The following EYA2 variants were observed in gnomAD, a reference collection of about 807,000 sequenced individuals.
The protein encoded by EYA2 is protein phosphatase EYA2.
Under a neutral mutation model 69.2 loss-of-function variants are expected in EYA2, and 31 were observed. That is an observed-to-expected ratio of 0.45 (90% CI 0.34 to 0.60). The LOEUF (loss-of-function observed/expected upper bound fraction) is 0.60, where lower values mean the gene tolerates loss of function less well. Among genes scored for constraint, EYA2 ranks in the 20% least tolerant of loss-of-function variants. EYA2 has a pLI of 0.02. For synonymous variants in EYA2, 257 were observed against 279.4 expected, an observed-to-expected ratio of 0.92 and a Z score of 0.80; for missense variants, 622 against 701.2, an observed-to-expected ratio of 0.89 and a Z score of 1.28.
At chr20:47,181,900 A>T (rs1457236865) in intron 14 of EYA2, among the ~76,000 whole-genome samples, 1 of 152,058 alleles carries the variant, frequency 6.6e-6, no homozygotes, top group Admixed American at 6.5e-5. Flanking sequence ...CATTTTTCCC[A>T]TTTTTCCTGC....
At chr20:47,004,055 G>A (rs1012553053) in intron 3 of EYA2, among the ~76,000 whole-genome samples, 3 of 152,200 alleles carry the variant, frequency 2.0e-5, no homozygotes, top group Non-Finnish European at 4.4e-5. Context: ...TCTTAAGTAA[G>A]GAGCCCTGTA....
At chr20:47,113,749 C>T (rs2032816169) in intron 9 of EYA2, among the ~76,000 whole-genome samples, 1 of 152,192 alleles carries the variant, frequency 6.6e-6, no homozygotes, top group South Asian at 2.1e-4. Context: ...CACACCCCTC[C>T]TTAAGGGAAA....
chr20:47,109,495 G>C (rs1349490978), intron 9 of EYA2, among the ~76,000 whole-genome samples: 1 of 151,964 alleles, frequency 6.6e-6, no homozygotes, highest in African/African-American at 2.4e-5. Flanking sequence ...ATGTGTATAG[G>C]TGACATTGTT....
At chr20:47,149,322 A>T (rs188859713) in intron 10 of EYA2, among the ~76,000 whole-genome samples, 1 of 152,292 alleles carries the variant, frequency 6.6e-6, no homozygotes, top group Non-Finnish European at 1.5e-5. Flanking sequence ...AGGGATCTAA[A>T]GTAGACAGAG....
chr20:47,047,930 A>C (rs1284509269), intron 5 of EYA2, among the ~76,000 whole-genome samples: 1 of 151,692 alleles, frequency 6.6e-6, no homozygotes, highest in African/African-American at 2.4e-5. Context: ...TCTCGCTCCC[A>C]GCCTCCCAAA....
At chr20:47,030,586 C>T (rs1984352342) in intron 5 of EYA2, among the ~76,000 whole-genome samples, 1 of 152,130 alleles carries the variant, frequency 6.6e-6, no homozygotes, top group African/African-American at 2.4e-5. Flanking sequence ...TAACAAAATA[C>T]CATGGTCTTG....
intron 1 of EYA2, among the ~76,000 whole-genome samples, chr20:46,973,797 G>GA (rs1980285813): frequency 2.8e-5 from 4 of 140,834 alleles, no homozygotes; most frequent in Admixed American, 1.6e-4. Context: ...AAGAGAAGGA[G>GA]GAAAAAAAAA....
chr20:47,177,544 A>G (rs2034449358), intron 12 of EYA2, among the ~76,000 whole-genome samples: 1 of 152,268 alleles, frequency 6.6e-6, no homozygotes, highest in Non-Finnish European at 1.5e-5. Flanking sequence ...TCTCTGAGAC[A>G]AAAAGAGTTT....
At chr20:46,996,590 T>C (rs565387381) in intron 2 of EYA2, among the ~76,000 whole-genome samples, 1 of 152,302 alleles carries the variant, frequency 6.6e-6, no homozygotes, top group South Asian at 2.1e-4. Context: ...CTCATTTGTG[T>C]GATTGTTTGT....
At chr20:46,986,543 G>A (rs537508238) in intron 1 of EYA2, among the ~76,000 whole-genome samples, 11 of 135,280 alleles carry the variant, frequency 8.1e-5, no homozygotes, top group African/African-American at 2.7e-4. Context: ...CCCATTTTGC[G>A]TTGCTGTAAA....
intron 1 of EYA2, among the ~76,000 whole-genome samples, chr20:46,961,525 A>T: frequency 6.6e-6 from 1 of 152,194 alleles, no homozygotes; most frequent in East Asian, 1.9e-4. Context: ...ACTGGGTATT[A>T]TCCAAAGGAA....
At chr20:47,003,984 T>A (rs1982534685) in intron 3 of EYA2, among the ~76,000 whole-genome samples, 1 of 152,232 alleles carries the variant, frequency 6.6e-6, no homozygotes, top group Admixed American at 6.5e-5. Flanking sequence ...CAGGTGCATG[T>A]GACACAATTC....
chr20:47,155,013 A>C (rs1187107038), intron 10 of EYA2, among the ~76,000 whole-genome samples: 1 of 151,438 alleles, frequency 6.6e-6, no homozygotes, highest in African/African-American at 2.4e-5. Flanking sequence ...AAGCCACCAC[A>C]CCTGGCTAAT....
intron 9 of EYA2, among the ~76,000 whole-genome samples, chr20:47,128,447 C>T (rs1440604315): frequency 1.3e-5 from 2 of 151,940 alleles, no homozygotes; most frequent in African/African-American, 4.8e-5. Flanking sequence ...CGTTTCTCCT[C>T]ACTTTGGAAG....
At chr20:47,013,330 TGATA>T (rs1983193702) in intron 4 of EYA2, among the ~76,000 whole-genome samples, 1 of 152,176 alleles carries the variant, frequency 6.6e-6, no homozygotes, top group South Asian at 2.1e-4. Flanking sequence ...AACATTTGCC[TGATA>T]GAGAAGAGGG....
At position 46,982,775 on chromosome 20, in the gene EYA2, C is replaced by CTTTT. The variant is rs10701469; in HGVS notation, c.-10-7214_-10-7211dup. ...TTTCATTTCTCAGTTCTGTAATTTC[C>CTTTT]TTTTTTTTTTTTTTTGAGATAGAGT... is the stretch of plus-strand genomic sequence containing the variant. On this transcript the variant is annotated intron_variant, in intron 1 of 15. Transcript: ENST00000327619. Among the ~76,000 whole-genome samples, 347 of 137,402 alleles carry CTTTT rather than the reference C, an allele frequency of 2.5e-3. 2 individuals carry two copies. The highest frequency in any genetic ancestry group is 7.0e-3 in the African/African-American group (256 of 36,614). 90.1% of individuals were successfully genotyped at this position (137,402 alleles called of 152,430 possible). A position where few individuals can be genotyped will look rare whatever the true frequency, so the allele number is the denominator to read the frequency against.
intron 12 of EYA2, among the ~76,000 whole-genome samples, chr20:47,174,323 T>C (rs2034387028): frequency 6.6e-6 from 1 of 152,224 alleles, no homozygotes; most frequent in African/African-American, 2.4e-5. Context: ...GCAACATACA[T>C]ACGGTCATCT....
chr20:47,150,332 A>G (rs1245838279), intron 10 of EYA2, among the ~76,000 whole-genome samples: 1 of 152,184 alleles, frequency 6.6e-6, no homozygotes, highest in Admixed American at 6.5e-5. Context: ...ATGAATTAGG[A>G]TACAAGCTCA....
intron 15 of EYA2, among the ~76,000 whole-genome samples, chr20:47,183,954 C>T (rs73313755): frequency 0.078 from 11,830 of 152,088 alleles, 1,558 homozygotes; most frequent in African/African-American, 0.27. Flanking sequence ...TTGTTAATGT[C>T]ACAGACCTTA....
Sources: allele counts gnomAD v4.1 joint callset (sites outside exome capture counted in the v4.1 genomes callset), GRCh38; gene constraint gnomAD v4.1.1; transcripts MANE v1.5; gene names NCBI Gene and HGNC (gene_info 2026-07-23, HGNC 2026-07-21).